The following AIG1 variants were observed in gnomAD, a reference collection of about 807,000 sequenced individuals.
The protein encoded by AIG1 is androgen induced 1.
Under a neutral mutation model 31.4 loss-of-function variants are expected in AIG1, and 23 were observed. That is an observed-to-expected ratio of 0.73 (90% confidence interval 0.53 to 1.04). The LOEUF (loss-of-function observed/expected upper bound fraction) is 1.04, where lower values mean the gene tolerates loss of function less well. Ranked by LOEUF, AIG1 falls within the 50% of genes least tolerant of loss-of-function variation. AIG1 has a pLI of 0.00. For missense variants in AIG1, 274 were observed against 295.0 expected, an observed-to-expected ratio of 0.93 and a Z score of 0.52; for synonymous variants, 100 against 110.5, an observed-to-expected ratio of 0.90 and a Z score of 0.60.
rs1348490456 is a variant in AIG1, at chr6:143,331,257, G to A, written c.516-2025G>A. ...AGTATACTATTTAATGTCCTTAAAT[G>A]TATTTACAACATTGTGTAACCATCA... On this transcript the variant is annotated intron_variant, in intron 4 of 5. Coordinates refer to ENST00000357847, the MANE Select transcript of AIG1 (RefSeq NM_016108.4). The surrounding 1 kb of genome is among the most constrained non-coding windows in gnomAD (Gnocchi z 4.1). 6.6e-6 allele frequency among the ~76,000 whole-genome samples: 1 copy of A among 151,726 alleles called. No homozygotes were observed. The highest frequency in any genetic ancestry group is 1.5e-5 in the Non-Finnish European group (1 of 67,970).
rs1777336084 is a variant in AIG1, at chr6:143,334,571, A to G, written c.679+1126A>G. ...TATTAGAAAAAGTATCAACATTTTT[A>G]ATTCTGTTCAGGCCACAGCTTGGGG... is the stretch of plus-strand genomic sequence containing the variant. On this transcript the variant is annotated intron_variant, in intron 5 of 5. Coordinates refer to ENST00000357847, the MANE Select transcript of AIG1 (RefSeq NM_016108.4). This position sits in a 1 kb window ranked among gnomAD's most constrained non-coding sequence, Gnocchi z 5.1. 6.6e-6 allele frequency among the ~76,000 whole-genome samples: 1 copy of G among 152,202 alleles called. No homozygotes were observed. Among genetic ancestry groups the G allele is most frequent in the Non-Finnish European group, 1.5e-5 (1 of 68,032 alleles).
Position 143,279,144 on chromosome 6 carries a change from A to G in AIG1, c.400-4966A>G, listed in dbSNP as rs1262472155. ...TATGACAGCATTGGTATACAGATGA[A>G]TATAATCTTCAACTCTGAAAGTTCA... On this transcript the variant is annotated intron_variant, in intron 3 of 5. Coordinates refer to ENST00000357847, the MANE Select transcript of AIG1 (RefSeq NM_016108.4). The surrounding 1 kb of genome is among the most constrained non-coding windows in gnomAD (Gnocchi z 5.4). 6.6e-6 allele frequency among the ~76,000 whole-genome samples: 1 copy of G among 152,208 alleles called. No homozygotes were observed. The highest frequency in any genetic ancestry group is 2.4e-5 in the African/African-American group (1 of 41,454).
intron 1 of AIG1, among the ~76,000 whole-genome samples, chr6:143,132,690 A>G (rs528418841): frequency 4.0e-5 from 6 of 151,660 alleles, no homozygotes; most frequent in Non-Finnish European, 8.8e-5. Flanking sequence ...CAATACACAT[A>G]TATTAGACTG....
At chr6:143,243,420 T>C (rs1313771567) in intron 3 of AIG1, among the ~76,000 whole-genome samples, 1 of 152,244 alleles carries the variant, frequency 6.6e-6, no homozygotes, top group African/African-American at 2.4e-5. Context: ...TGTACATTCT[T>C]GGAATTAGCA....
intron 2 of AIG1, among the ~76,000 whole-genome samples, chr6:143,151,734 A>C (rs1010818803): frequency 4.6e-5 from 7 of 152,248 alleles, no homozygotes; most frequent in Non-Finnish European, 8.8e-5. Flanking sequence ...TTATGTTGTG[A>C]AAAAATTATC....
intron 3 of AIG1, among the ~76,000 whole-genome samples, chr6:143,241,778 A>G (rs1476710475): frequency 1.3e-5 from 2 of 152,202 alleles, no homozygotes; most frequent in Non-Finnish European, 2.9e-5. Context: ...CCAAACCCAA[A>G]ACTTTTTGAG....
intron 1 of AIG1, among the ~76,000 whole-genome samples, chr6:143,108,586 T>G (rs1311558818): frequency 6.6e-6 from 1 of 152,206 alleles, no homozygotes; most frequent in Non-Finnish European, 1.5e-5. Flanking sequence ...TGTATAAAAT[T>G]ACACTTTTAA....
rs1197033875 is a variant in AIG1 at position 143,327,298 on chromosome 6, C to T, written c.516-5984C>T. The T allele has an allele frequency of 1.9e-5, 4 of 213,578 alleles. No homozygotes were observed. The highest frequency in any genetic ancestry group is 3.8e-5 in the Non-Finnish European group (4 of 105,028). The allele number at this position is 213,578 out of a possible 1,614,324, so 13.2% of individuals were successfully genotyped here. ...GAATGGTTCTCACAAAGAAGGATGG[C>T]AAGACAAAAAGGGCCACTCTGCCAT... On this transcript the variant is annotated intron_variant, in intron 4 of 5. Transcript: ENST00000357847. This position sits in a 1 kb window ranked among gnomAD's most constrained non-coding sequence, Gnocchi z 5.3.
chr6:143,092,723 G>T (rs1043816688), intron 1 of AIG1, among the ~76,000 whole-genome samples: 1 of 152,068 alleles, frequency 6.6e-6, no homozygotes, highest in African/African-American at 2.4e-5. Context: ...AGTCTCATTA[G>T]CCCCTAACAA....
chr6:143,339,125 C>T (rs1777724198), intron 5 of AIG1: 1 of 151,928 alleles, frequency 6.6e-6, no homozygotes, highest in South Asian at 2.1e-4. Context: ...AAATAAACAG[C>T]TCTTATGGCT....
At chr6:143,164,142 T>C (rs1433881671) in intron 2 of AIG1, among the ~76,000 whole-genome samples, 1 of 152,202 alleles carries the variant, frequency 6.6e-6, no homozygotes, top group South Asian at 2.1e-4. Context: ...CAAAATTGTT[T>C]CTAATATTTA....
intron 3 of AIG1, among the ~76,000 whole-genome samples, chr6:143,251,109 G>A (rs1439065119): frequency 1.3e-5 from 2 of 152,222 alleles, no homozygotes; most frequent in Non-Finnish European, 2.9e-5. Context: ...CTGGAGTGCA[G>A]TGGCGCAATC....
intron 2 of AIG1, among the ~76,000 whole-genome samples, chr6:143,146,306 T>C (rs1465253676): frequency 6.6e-6 from 1 of 152,146 alleles, no homozygotes; most frequent in African/African-American, 2.4e-5. Context: ...AAAGGTAGAA[T>C]TGATTTTCAT....
chr6:143,242,346 C>T (rs752881697), intron 3 of AIG1, among the ~76,000 whole-genome samples: 2 of 152,184 alleles, frequency 1.3e-5, no homozygotes, highest in Non-Finnish European at 2.9e-5. Context: ...CGTGATAACC[C>T]TTCTATAATA....
chr6:143,231,534 A>G (rs946874787), intron 3 of AIG1, among the ~76,000 whole-genome samples: 5 of 152,186 alleles, frequency 3.3e-5, no homozygotes, highest in African/African-American at 1.2e-4. Context: ...GAGCATGGGC[A>G]TAGCTATAGA....
intron 3 of AIG1, among the ~76,000 whole-genome samples, chr6:143,263,841 G>C (rs1407318522): frequency 6.6e-6 from 1 of 152,108 alleles, no homozygotes; most frequent in Non-Finnish European, 1.5e-5. Flanking sequence ...AAATTATTTT[G>C]CTACTGTAAG....
chr6:143,172,735 A>G (rs1787756856), intron 3 of AIG1, among the ~76,000 whole-genome samples: 1 of 151,684 alleles, frequency 6.6e-6, no homozygotes, highest in Non-Finnish European at 1.5e-5. Context: ...TACCATTTCA[A>G]TCTCGCTTCT....
intron 3 of AIG1, among the ~76,000 whole-genome samples, chr6:143,191,878 A>G (rs370781382): frequency 2.3e-4 from 35 of 152,320 alleles, no homozygotes; most frequent in African/African-American, 8.2e-4. Context: ...AAGTTCATTC[A>G]TGAGCCAGTT....
At chr6:143,281,420 T>C (rs1797335135) in intron 3 of AIG1, among the ~76,000 whole-genome samples, 1 of 152,224 alleles carries the variant, frequency 6.6e-6, no homozygotes, top group Non-Finnish European at 1.5e-5. Flanking sequence ...GCAGTGATGA[T>C]TTTAACTGGA....
Sources: allele counts gnomAD v4.1 joint callset (sites outside exome capture counted in the v4.1 genomes callset), GRCh38; gene constraint gnomAD v4.1.1; non-coding constraint Gnocchi (gnomAD v3.1); transcripts MANE v1.5; gene names NCBI Gene and HGNC (gene_info 2026-07-23, HGNC 2026-07-21).